LAMA2: variants seen among roughly 807,000 people sequenced by gnomAD.
LAMA2 encodes the protein laminin subunit alpha 2, also known as laminin subunit alpha-2.
Under a neutral mutation model 364.8 loss-of-function variants are expected in LAMA2, and 269 were observed. That is an observed-to-expected ratio of 0.74 (90% CI 0.67 to 0.82). The LOEUF (loss-of-function observed/expected upper bound fraction) is 0.82. Among genes scored for constraint, LAMA2 ranks in the 40% least tolerant of loss-of-function variants. The probability of loss-of-function intolerance (pLI) is 0.00; values close to 1 mark genes in which losing one functional copy is unlikely to be tolerated. For missense variants in LAMA2, 3,807 were observed against 3,873.2 expected (o/e 0.98, Z 0.45); for synonymous variants, 1,379 against 1,370.6 (o/e 1.01, Z -0.14).
rs192118828 is a variant in LAMA2, at chr6:128,929,444, C to A, written c.112+46087C>A. On this transcript the variant is annotated intron_variant, in intron 1 of 64. Coordinates refer to ENST00000421865, the MANE Select transcript of LAMA2 (RefSeq NM_000426.4). ...GAGTAGCTTTTGGAGAAGGAGTGGA[C>A]GGTGAGTCTCAGGAAAGATACCTCC... is the stretch of plus-strand genomic sequence containing the variant. The A allele has an allele frequency of 2.6e-3, 2,168 of 840,466 alleles. 54 individuals carry two copies. In the South Asian group the frequency reaches 0.028, roughly 11 times the overall value. The allele number at this position is 840,466 out of a possible 1,614,324, so 52.1% of individuals were successfully genotyped here. A position where few individuals can be genotyped will look rare whatever the true frequency, so the allele number is the denominator to read the frequency against.
At chr6:128,899,629 A>G (rs1776963537) in intron 1 of LAMA2, among the ~76,000 whole-genome samples, 1 of 152,190 alleles carries the variant, frequency 6.6e-6, no homozygotes, top group Non-Finnish European at 1.5e-5. Context: ...CTTTTATAGT[A>G]TGAATGAATG....
rs775825512 is a variant in LAMA2, at chr6:129,440,913, C to T, written c.6183C>T (p.Asn2061=). 6.2e-7 allele frequency: 1 copy of T among 1,613,834 alleles called. No individual in the cohort carries two copies. The highest frequency in any genetic ancestry group is 2.2e-5 in the East Asian group (1 of 44,872). ...CACAGATTACAGAGCTCCACCAGAA[C>T]CTCGATGGCCTGAAGAAGAATTACA... ...VLAQITELHQ[N]LDGLKKNYNK... is the part of the protein sequence containing the mutation. Residue 2061 remains asparagine, a synonymous_variant, in exon 43 of 65, where the codon AAC becomes AAT. Coordinates refer to ENST00000421865, the MANE Select transcript of LAMA2 (RefSeq NM_000426.4).
Position 129,391,561 on chromosome 6 carries a change from G to C in LAMA2, c.5142G>C (p.Leu1714Phe), listed in dbSNP as rs1158401762. 5.0e-6 allele frequency: 8 copies of C among 1,613,652 alleles called. No individual in the cohort carries two copies. In the Admixed American group the frequency reaches 8.3e-5, roughly 17 times the overall value. ...GAGACGAGGCCTTTGAGAGAAATTT[G>C]GAAGGGCTTCAGAAAGAGATTGACC... ...GTRDEAFERN[L>F]EGLQKEIDQM... The change falls in exon 36 of 65, where the codon TTG (leucine) becomes TTC (phenylalanine). Residue 1714 changes from leucine (L) to phenylalanine (F), a missense_variant. Transcript: ENST00000421865.
intron 16 of LAMA2, among the ~76,000 whole-genome samples, chr6:129,269,534 C>T (rs1583382631): frequency 6.6e-6 from 1 of 151,568 alleles, no homozygotes; most frequent in Admixed American, 6.6e-5. Flanking sequence ...AATAAAAAAC[C>T]CTCTCAATTA....
At chr6:129,422,407 T>C (rs1781121321) in intron 40 of LAMA2, among the ~76,000 whole-genome samples, 2 of 152,136 alleles carry the variant, frequency 1.3e-5, no homozygotes, top group Admixed American at 6.5e-5. Context: ...CTGTCATGTT[T>C]CTGGATGAAG....
chr6:129,328,253 C>G, intron 28 of LAMA2, 25 bp from the exon 29 acceptor site: 6 of 1,605,610 alleles, frequency 3.7e-6, no homozygotes, highest in African/African-American at 1.3e-5. Flanking sequence ...ACTTTGCTGT[C>G]CTAATTGGCT....
At chr6:129,212,911 G>A (rs1406100744) in intron 12 of LAMA2, among the ~76,000 whole-genome samples, 1 of 152,172 alleles carries the variant, frequency 6.6e-6, no homozygotes, top group Non-Finnish European at 1.5e-5. Flanking sequence ...CATTTCAAAT[G>A]TTTATTATGA....
intron 3 of LAMA2, among the ~76,000 whole-genome samples, chr6:129,090,393 A>G (rs1774744504): frequency 6.6e-6 from 1 of 152,218 alleles, no homozygotes; most frequent in African/African-American, 2.4e-5. Flanking sequence ...TCTAAAAATT[A>G]ATACTATTAT....
chr6:129,383,058 A>C, intron 34 of LAMA2, 64 bp from the exon 35 acceptor site: 2 of 1,311,626 alleles, frequency 1.5e-6, no homozygotes, highest in Non-Finnish European at 2.2e-6. Flanking sequence ...AGCCAGTGGG[A>C]GCTTATCTAG....
intron 1 of LAMA2, among the ~76,000 whole-genome samples, chr6:128,985,619 T>C (rs1783177930): frequency 6.6e-6 from 1 of 152,194 alleles, no homozygotes; most frequent in Non-Finnish European, 1.5e-5. Context: ...ATGGAAGATA[T>C]GGTATAAGGA....
chr6:129,183,154 A>G (rs867255850), intron 10 of LAMA2, among the ~76,000 whole-genome samples: 1 of 152,018 alleles, frequency 6.6e-6, no homozygotes, highest in African/African-American at 2.4e-5. Flanking sequence ...TCTCTCACGA[A>G]TTACAAGAGG....
intron 3 of LAMA2, among the ~76,000 whole-genome samples, chr6:129,066,253 G>C (rs964396870): frequency 6.7e-6 from 1 of 150,314 alleles, no homozygotes; most frequent in Non-Finnish European, 1.5e-5. Flanking sequence ...CACCGTTTTA[G>C]CCGGGATGGT....
intron 29 of LAMA2, among the ~76,000 whole-genome samples, chr6:129,340,426 T>C (rs1164337181): frequency 3.3e-5 from 5 of 151,480 alleles, no homozygotes; most frequent in African/African-American, 1.2e-4. Context: ...AGGAGTGGAG[T>C]AGCTTCAGAC....
At chr6:129,097,285 C>T (rs1203445797) in intron 3 of LAMA2, among the ~76,000 whole-genome samples, 2 of 152,206 alleles carry the variant, frequency 1.3e-5, no homozygotes, top group Non-Finnish European at 2.9e-5. Context: ...CTACCTAGAA[C>T]ATTGTACATA....
At chr6:129,157,598 T>G (rs1779189447) in intron 8 of LAMA2, 1 of 1,612,716 alleles carries the variant, frequency 6.2e-7, no homozygotes, top group African/African-American at 1.3e-5. Context: ...GTCTGGGGGC[T>G]GGATTGTGGG....
At chr6:129,382,552 G>A (rs746594646) in intron 34 of LAMA2, among the ~76,000 whole-genome samples, 5 of 152,148 alleles carry the variant, frequency 3.3e-5, no homozygotes, top group African/African-American at 4.8e-5. Context: ...GGAAAAGTTA[G>A]CATTTATTCT....
intron 62 of LAMA2, among the ~76,000 whole-genome samples, chr6:129,511,732 A>AG (rs1786596452): frequency 6.6e-6 from 1 of 150,642 alleles, no homozygotes; most frequent in Non-Finnish European, 1.5e-5. Flanking sequence ...GATTAAAAAA[A>AG]AAATCAAAGA....
At chr6:129,145,674 A>G (rs936252364) in intron 5 of LAMA2, among the ~76,000 whole-genome samples, 2 of 151,974 alleles carry the variant, frequency 1.3e-5, no homozygotes, top group Non-Finnish European at 2.9e-5. Context: ...ACTTTATCGT[A>G]CATGAGTCTT....
chr6:128,935,533 A>G (rs1455495425), intron 1 of LAMA2, among the ~76,000 whole-genome samples: 1 of 152,116 alleles, frequency 6.6e-6, no homozygotes, highest in African/African-American at 2.4e-5. Flanking sequence ...ATACATGTAC[A>G]TGTGTCTTTA....
Sources: gnomAD v4.1 joint callset for allele counts (sites outside exome capture counted in the v4.1 genomes callset) on GRCh38, gnomAD v4.1.1 for gene constraint, MANE v1.5 for transcripts, NCBI Gene and HGNC (gene_info 2026-07-23, HGNC 2026-07-21) for gene names.